CSMD1: variants seen among roughly 807,000 people sequenced by gnomAD.
CSMD1 encodes the protein CUB and sushi domain-containing protein 1.
Under a neutral mutation model 417.5 loss-of-function variants are expected in CSMD1, and 213 were observed. That is an observed-to-expected ratio of 0.51 (90% CI 0.46 to 0.57). The LOEUF is 0.57. Ranked by LOEUF, CSMD1 falls within the 20% of genes least tolerant of loss-of-function variation. CSMD1 has a pLI of 0.00. For missense variants in CSMD1, 6,923 were observed against 4,529.7 expected, an observed-to-expected ratio of 1.53 and a Z score of -15.17; for synonymous variants, 2,862 against 1,736.8, an observed-to-expected ratio of 1.65 and a Z score of -16.11.
intron 3 of CSMD1, among the ~76,000 whole-genome samples, chr8:4,108,589 C>CACACGGCA (rs1309450353): frequency 1.3e-5 from 2 of 152,182 alleles, no homozygotes. Context: ...TTTAGATTTC[C>CACACGGCA]ACACGGCAAC....
At chr8:4,148,749 C>G (rs555714746) in intron 3 of CSMD1, among the ~76,000 whole-genome samples, 3 of 152,224 alleles carry the variant, frequency 2.0e-5, no homozygotes, top group East Asian at 3.9e-4. Flanking sequence ...CCTAAAGGCT[C>G]CACATCCTAA....
intron 3 of CSMD1, among the ~76,000 whole-genome samples, chr8:4,170,544 G>C (rs1797713086): frequency 1.3e-5 from 2 of 151,864 alleles, no homozygotes; most frequent in Admixed American, 6.6e-5. Flanking sequence ...CGGAGTATTG[G>C]AATATGGAAC....
chr8:4,975,827 GA>G (rs60614494), intron 1 of CSMD1, among the ~76,000 whole-genome samples: 1 of 151,676 alleles, frequency 6.6e-6, no homozygotes, highest in African/African-American at 2.4e-5. Context: ...TGCAATAATA[GA>G]AAAAAACCCA....
At chr8:4,781,503 G>C (rs906479086) in intron 1 of CSMD1, among the ~76,000 whole-genome samples, 1 of 152,184 alleles carries the variant, frequency 6.6e-6, no homozygotes, top group Non-Finnish European at 1.5e-5. Flanking sequence ...CTTTTAGAAA[G>C]AGATCACATA....
At chr8:3,217,008 G>A (rs983934901) in intron 29 of CSMD1, among the ~76,000 whole-genome samples, 1 of 152,154 alleles carries the variant, frequency 6.6e-6, no homozygotes, top group African/African-American at 2.4e-5. Flanking sequence ...GGATGCAATG[G>A]CATCATTTCT....
rs762174356 is a variant in CSMD1, at chr8:3,230,150, G to T, written c.4235C>A (p.Thr1412Asn). ...GCCAGGGTCACACTGGAATGTGACGGTGTCTCCAGCCTCTCTGCTGTCTCC... is the reference window on the plus strand; with the variant it reads ...GCCAGGGTCACACTGGAATGTGACGTTGTCTCCAGCCTCTCTGCTGTCTCC... ...RYGDSREAGD[T>N]VTFQCDPGYQ... Residue 1412 changes from threonine (T) to asparagine (N), a missense_variant, in exon 27 of 70, where the codon ACC (threonine) becomes AAC (asparagine). Coordinates refer to ENST00000635120, the MANE Select transcript of CSMD1 (RefSeq NM_033225.6). The T allele has an allele frequency of 1.2e-6, 2 of 1,613,564 alleles. No homozygotes were observed. The highest frequency in any genetic ancestry group is 1.7e-5 in the Admixed American group (1 of 59,948).
At chr8:4,753,763 G>C (rs763774265) in intron 1 of CSMD1, among the ~76,000 whole-genome samples, 1 of 152,122 alleles carries the variant, frequency 6.6e-6, no homozygotes, top group African/African-American at 2.4e-5. Context: ...ATTCTGATGG[G>C]AACATTCCCT....
intron 1 of CSMD1, among the ~76,000 whole-genome samples, chr8:4,775,521 G>T (rs542468943): frequency 6.6e-6 from 1 of 152,024 alleles, no homozygotes; most frequent in East Asian, 1.9e-4. Context: ...AGAATTCAGG[G>T]GTTCCTATCA....
chr8:4,850,380 ATCTTTT>A (rs1164590505), intron 1 of CSMD1, among the ~76,000 whole-genome samples: 12 of 82,790 alleles, frequency 1.4e-4, no homozygotes, highest in African/African-American at 5.8e-4. Flanking sequence ...AATCCAATTT[ATCTTTT>A]TTTTTTTTTT....
chr8:3,256,198 G>A (rs1355684236), intron 26 of CSMD1, among the ~76,000 whole-genome samples: 1 of 151,676 alleles, frequency 6.6e-6, no homozygotes, highest in Non-Finnish European at 1.5e-5. Flanking sequence ...CGTGGTGGTG[G>A]CACCTGTAAT....
At chr8:4,686,997 T>C (rs1806427856) in intron 1 of CSMD1, among the ~76,000 whole-genome samples, 1 of 152,184 alleles carries the variant, frequency 6.6e-6, no homozygotes, top group South Asian at 2.1e-4. Context: ...AGACCACTCA[T>C]GATGCTGGCA....
chr8:4,057,808 T>C (rs1185387815), intron 3 of CSMD1, among the ~76,000 whole-genome samples: 1 of 152,182 alleles, frequency 6.6e-6, no homozygotes, highest in African/African-American at 2.4e-5. Flanking sequence ...CCCCATTGCT[T>C]GTTTTTGTCA....
chr8:4,809,611 C>A (rs768346701), intron 1 of CSMD1, among the ~76,000 whole-genome samples: 2 of 152,168 alleles, frequency 1.3e-5, no homozygotes, highest in African/African-American at 2.4e-5. Flanking sequence ...GCTGTGCTCT[C>A]CAGTAGAAAT....
intron 41 of CSMD1, among the ~76,000 whole-genome samples, chr8:3,124,490 G>C (rs1028746386): frequency 1.3e-4 from 20 of 152,204 alleles, no homozygotes; most frequent in African/African-American, 4.8e-4. Context: ...ATCAGGAAAA[G>C]ACCAAGAAAG....
chr8:3,019,869 A>C (rs1252339501), intron 51 of CSMD1, among the ~76,000 whole-genome samples: 1 of 152,246 alleles, frequency 6.6e-6, no homozygotes, highest in Non-Finnish European at 1.5e-5. Context: ...TATCCAGCCC[A>C]ACCTATCATC....
At chr8:3,943,084 A>G (rs1396871945) in intron 5 of CSMD1, among the ~76,000 whole-genome samples, 1 of 152,054 alleles carries the variant, frequency 6.6e-6, no homozygotes, top group African/African-American at 2.4e-5. Context: ...CTATTACCCC[A>G]CATTACCTGG....
chr8:3,972,109 G>T (rs1421243743), intron 5 of CSMD1, among the ~76,000 whole-genome samples: 1 of 152,074 alleles, frequency 6.6e-6, no homozygotes, highest in African/African-American at 2.4e-5. Flanking sequence ...GGGCTCAAGA[G>T]ATCCTCCTGC....
chr8:4,402,679 A>G (rs1005350344), intron 3 of CSMD1, among the ~76,000 whole-genome samples: 4 of 152,064 alleles, frequency 2.6e-5, no homozygotes, highest in African/African-American at 9.7e-5. Context: ...CCATTACTTC[A>G]TGGAGAAAAT....
chr8:3,489,181 C>G (rs999848049), intron 11 of CSMD1, among the ~76,000 whole-genome samples: 1 of 152,092 alleles, frequency 6.6e-6, no homozygotes, highest in Non-Finnish European at 1.5e-5. Flanking sequence ...GGAGAAATGA[C>G]GTCTCAGCCA....
Sources: allele counts gnomAD v4.1 joint callset (sites outside exome capture counted in the v4.1 genomes callset), GRCh38; gene constraint gnomAD v4.1.1; transcripts MANE v1.5; gene names NCBI Gene and HGNC (gene_info 2026-07-23, HGNC 2026-07-21).